ROBO2: variants seen among roughly 807,000 people sequenced by gnomAD.
ROBO2 encodes the protein roundabout homolog 2.
Under a neutral mutation model 160.8 loss-of-function variants are expected in ROBO2, and 53 were observed. The ratio of observed to expected loss-of-function variants is 0.33; its 90% CI spans 0.26 to 0.41. The LOEUF is 0.41. Among genes scored for constraint, ROBO2 ranks in the 10% least tolerant of loss-of-function variants. The pLI is 1.00. For missense variants in ROBO2, 1,577 were observed against 1,722.4 expected, an observed-to-expected ratio of 0.92 and a Z score of 1.49; for synonymous variants, 664 against 611.7, an observed-to-expected ratio of 1.09 and a Z score of -1.26.
At chr3:76,690,723 A>G (rs183283375) in intron 2 of ROBO2, among the ~76,000 whole-genome samples, 2 of 152,246 alleles carry the variant, frequency 1.3e-5, no homozygotes, top group South Asian at 2.1e-4. Flanking sequence ...GCTTCTCGCT[A>G]TTGTATCCCT....
chr3:76,047,518 C>A (rs1437357281), intron 2 of ROBO2, among the ~76,000 whole-genome samples: 1 of 152,176 alleles, frequency 6.6e-6, no homozygotes, highest in Non-Finnish European at 1.5e-5. Context: ...AGGTGAGAAC[C>A]AGTCTTGCTT....
intron 2 of ROBO2, among the ~76,000 whole-genome samples, chr3:77,107,619 G>A (rs2150148136): frequency 6.6e-6 from 1 of 152,296 alleles, no homozygotes; most frequent in Admixed American, 6.5e-5. Flanking sequence ...TATACAGGAA[G>A]ATGTGTAGCT....
At chr3:75,983,876 T>C (rs2065343433) in intron 2 of ROBO2, among the ~76,000 whole-genome samples, 1 of 151,530 alleles carries the variant, frequency 6.6e-6, no homozygotes, top group Non-Finnish European at 1.5e-5. Flanking sequence ...TTTAATTACT[T>C]ATTAATAACT....
intron 2 of ROBO2, among the ~76,000 whole-genome samples, chr3:76,277,102 CTG>C (rs1707969825): frequency 6.6e-6 from 1 of 152,012 alleles, no homozygotes; most frequent in African/African-American, 2.4e-5. Flanking sequence ...TGTGGACAAT[CTG>C]TGGTTGTTTG....
intron 2 of ROBO2, among the ~76,000 whole-genome samples, chr3:77,261,688 G>A (rs1441487978): frequency 1.3e-5 from 2 of 151,960 alleles, no homozygotes; most frequent in Non-Finnish European, 2.9e-5. Context: ...TTTCAAATGG[G>A]TTCATTACCA....
intron 2 of ROBO2, among the ~76,000 whole-genome samples, chr3:76,769,595 T>A (rs1387254967): frequency 1.3e-5 from 2 of 151,492 alleles, no homozygotes; most frequent in East Asian, 3.9e-4. Context: ...CATTTCATTT[T>A]AGTCAGCAAT....
At chr3:76,220,138 G>C (rs1472420106) in intron 2 of ROBO2, among the ~76,000 whole-genome samples, 4 of 148,520 alleles carry the variant, frequency 2.7e-5, no homozygotes, top group Non-Finnish European at 5.9e-5. Flanking sequence ...GAGAACACAT[G>C]GATACAGGAA....
intron 2 of ROBO2, among the ~76,000 whole-genome samples, chr3:76,494,482 A>G (rs942674684): frequency 4.6e-5 from 7 of 152,130 alleles, no homozygotes; most frequent in African/African-American, 1.7e-4. Flanking sequence ...AGGCTAAAGG[A>G]AGATAGAATT....
rs11917534 is a variant in ROBO2 at position 75,976,700 on chromosome 3, T to A, written c.109+39098T>A. ...CAATAATTCATATTAAAAACCCAAA[T>A]CTAAGGAAGTTTCCATTGTGACACA... is the stretch of plus-strand genomic sequence containing the variant. On this transcript the variant is annotated intron_variant, in intron 2 of 26. Transcript: ENST00000487694. Among the ~76,000 whole-genome samples, 160 of 151,636 alleles carry A rather than the reference T, an allele frequency of 1.1e-3. 1 individual carries two copies. Among genetic ancestry groups the A allele is most frequent in the African/African-American group, 3.8e-3 (158 of 41,450 alleles).
chr3:77,043,058 T>C (rs2064255596), intron 1 of ROBO2, among the ~76,000 whole-genome samples: 1 of 152,210 alleles, frequency 6.6e-6, no homozygotes, highest in Non-Finnish European at 1.5e-5. Flanking sequence ...TTTGGATACT[T>C]CAGAATGACA....
At chr3:76,494,564 C>G (rs2080032098) in intron 2 of ROBO2, among the ~76,000 whole-genome samples, 3 of 152,078 alleles carry the variant, frequency 2.0e-5, no homozygotes, top group African/African-American at 7.2e-5. Context: ...ATGTTCTTTT[C>G]ATTGTGGTAT....
chr3:75,960,033 T>C (rs1397259016), intron 2 of ROBO2, among the ~76,000 whole-genome samples: 1 of 151,764 alleles, frequency 6.6e-6, no homozygotes, highest in Non-Finnish European at 1.5e-5. Context: ...GCAGGGCAGC[T>C]GAGTGAGGAG....
At chr3:76,483,093 G>A (rs2079295529) in intron 2 of ROBO2, among the ~76,000 whole-genome samples, 1 of 151,892 alleles carries the variant, frequency 6.6e-6, no homozygotes, top group Non-Finnish European at 1.5e-5. Flanking sequence ...TGATACTATT[G>A]TATTGGCTGT....
intron 16 of ROBO2, among the ~76,000 whole-genome samples, chr3:77,585,364 A>G (rs1397255348): frequency 6.6e-6 from 1 of 151,780 alleles, no homozygotes; most frequent in Non-Finnish European, 1.5e-5. Flanking sequence ...ACTTAAAATA[A>G]TAAAGTTAAT....
chr3:77,622,016 A>C (rs2094912328), intron 22 of ROBO2, among the ~76,000 whole-genome samples: 1 of 152,094 alleles, frequency 6.6e-6, no homozygotes, highest in Non-Finnish European at 1.5e-5. Flanking sequence ...TATAAATACC[A>C]AGTGAAGAGT....
intron 14 of ROBO2, among the ~76,000 whole-genome samples, chr3:77,575,126 A>G (rs543272130): frequency 6.6e-6 from 1 of 152,200 alleles, no homozygotes; most frequent in East Asian, 1.9e-4. Context: ...TTTATTAGCC[A>G]CTTTTTCCTA....
At position 77,188,626 on chromosome 3, in the gene ROBO2, C is replaced by T. The variant is rs147665352; in HGVS notation, c.388+90286C>T. On this transcript the variant is annotated intron_variant, in intron 2 of 25. Coordinates refer to ENST00000461745, the Ensembl canonical transcript of ROBO2. The stretch of plus-strand genomic sequence containing the variant: ...TGTCTAGTGCTAAAACAAAATACAC[C>T]CTTTTCAGGATAAAACTGGCAACAA... Among the ~76,000 whole-genome samples, 243 of 151,712 alleles carry T rather than the reference C, an allele frequency of 1.6e-3. 6 individuals carry two copies. The East Asian group carries it at 0.038, about 24-fold the overall frequency.
At chr3:77,282,322 T>G (rs2153372774) in intron 2 of ROBO2, among the ~76,000 whole-genome samples, 1 of 152,198 alleles carries the variant, frequency 6.6e-6, no homozygotes, top group South Asian at 2.1e-4. Flanking sequence ...TATAATTATT[T>G]TCATAACTTA....
chr3:77,532,218 T>A (rs1439888169), intron 6 of ROBO2, among the ~76,000 whole-genome samples: 1 of 152,056 alleles, frequency 6.6e-6, no homozygotes, highest in African/African-American at 2.4e-5. Flanking sequence ...TTCTTTCTTT[T>A]TTTTTCCTCT....
Sources: gnomAD v4.1 joint callset for allele counts (sites outside exome capture counted in the v4.1 genomes callset) on GRCh38, gnomAD v4.1.1 for gene constraint, MANE v1.5 for transcripts, NCBI Gene and HGNC (gene_info 2026-07-23, HGNC 2026-07-21) for gene names.